AKR1B10: variants seen among roughly 807,000 people sequenced by gnomAD.
The protein encoded by AKR1B10 is ARP.
In AKR1B10, 39 loss-of-function variants were observed where a neutral mutation model predicts 38.9. The observed-to-expected ratio is 1.00, with a 90% CI of 0.78 to 1.31. The LOEUF is 1.31. Among genes scored for constraint, AKR1B10 ranks in the 50% most tolerant of loss-of-function variants. AKR1B10 has a pLI of 0.00. For synonymous variants in AKR1B10, 148 were observed against 141.2 expected, an observed-to-expected ratio of 1.05 and a Z score of -0.34; for missense variants, 361 against 382.6, an observed-to-expected ratio of 0.94 and a Z score of 0.47.
intron 1 of AKR1B10, 88 bp from the exon 2 acceptor site, chr7:134,530,555 G>C: frequency 6.9e-7 from 1 of 1,457,180 alleles, no homozygotes; most frequent in Non-Finnish European, 9.5e-7. Context: ...GCTTGAACCT[G>C]GGAGTGTGAG....
At chr7:134,538,699 T>C (rs1411054750) in intron 8 of AKR1B10, among the ~76,000 whole-genome samples, 1 of 152,190 alleles carries the variant, frequency 6.6e-6, no homozygotes, top group Non-Finnish European at 1.5e-5. Flanking sequence ...GCCTGGGGTT[T>C]AGTGCCTGTG....
chr7:134,530,240 G>C (rs1722888), intron 1 of AKR1B10, among the ~76,000 whole-genome samples: 75,216 of 152,048 alleles, frequency 0.49, 20,018 homozygotes, highest in African/African-American at 0.71. Flanking sequence ...GTAGTGGAGC[G>C]GTCTGCACCC....
In AKR1B10 at chr7:134,541,072, T is replaced by A. The variant is rs140467402; in HGVS notation, c.934T>A (p.Phe312Ile). 4.4e-6 allele frequency: 7 copies of A among 1,582,636 alleles called. No homozygotes were observed. The highest frequency in any genetic ancestry group is 5.2e-6 in the Non-Finnish European group (6 of 1,152,542). Reference sequence around the variant, plus strand: ...ATCCTCTCATTTGGAAGACTATCCCTTCAATGCAGAATATTGAGGTTGAAT... The same window carrying A: ...ATCCTCTCATTTGGAAGACTATCCCATCAATGCAGAATATTGAGGTTGAAT... Reference protein sequence around the residue: ...LQSSHLEDYPFNAEY With the variant: ...LQSSHLEDYPINAEY The change falls in exon 10 of 10, where the codon TTC (phenylalanine) becomes ATC (isoleucine). Residue 312 changes from phenylalanine (F) to isoleucine (I), a missense_variant. Phe to Ile is a conservative substitution (Grantham distance 21, BLOSUM62 0). This residue lies in a region of AKR1B10 where 132 missense variants were observed against 134.6 expected (regional missense o/e 0.98). Transcript: ENST00000359579.
chr7:134,530,658 G>A lies in AKR1B10; in HGVS notation c.82G>A (p.Val28Met), dbSNP rs1297931009. 5 of 1,613,936 alleles carry A rather than the reference G, an allele frequency of 3.1e-6. No homozygotes were observed. The highest frequency in any genetic ancestry group is 1.7e-5 in the Admixed American group (1 of 59,996). ...TGCCTTTCAGTCTCCTCTTGGCAAA[G>A]TGAAAGAAGCAGTGAAGGTGGCCAT... ...LGTWKSPLGKVKEAVKVAIDA... is the reference protein window; with the variant it reads ...LGTWKSPLGKMKEAVKVAIDA... Residue 28 changes from valine (V) to methionine (M), a missense_variant, in exon 2 of 10, where the codon GTG becomes ATG. Physicochemically the swap from Val to Met is conservative, Grantham distance 21. Transcript: ENST00000359579.
chr7:134,532,001 A>T lies in AKR1B10; in HGVS notation c.328A>T (p.Ile110Phe), dbSNP rs755888697. 2 of 1,614,108 alleles carry T rather than the reference A, an allele frequency of 1.2e-6. No individual in the cohort carries two copies. Among genetic ancestry groups the T allele is most frequent in the Admixed American group, 3.3e-5 (2 of 60,018 alleles). ...GCTGAGCTATCTGGACGTCTATCTT[A>T]TTCACTGGCCACAGGGATTCAAGGT... The part of the protein sequence containing the change: ...LKLSYLDVYL[I>F]HWPQGFKSGD... Residue 110 changes from isoleucine to phenylalanine, a missense_variant, in exon 3 of 10, where the codon ATT (isoleucine) becomes TTT (phenylalanine). Ile to Phe is a conservative substitution (Grantham distance 21). Transcript: ENST00000359579.
chr7:134,537,413 T>C (rs1394483498), intron 6 of AKR1B10, among the ~76,000 whole-genome samples, 167 bp from the exon 7 acceptor site: 6 of 152,124 alleles, frequency 3.9e-5, no homozygotes. Context: ...CTTTGCAAAA[T>C]GCTGAGGCTT....
chr7:134,539,836 AAG>A (rs1422638587), intron 9 of AKR1B10, among the ~76,000 whole-genome samples: 9 of 152,214 alleles, frequency 5.9e-5, no homozygotes, highest in Non-Finnish European at 1.3e-4. Context: ...ATGTATCAAA[AAG>A]AGTTGTCTGG....
chr7:134,531,002 C>T (rs1807841122), intron 2 of AKR1B10, among the ~76,000 whole-genome samples, 192 bp downstream of exon 2: 1 of 152,202 alleles, frequency 6.6e-6, no homozygotes, highest in Admixed American at 6.5e-5. Flanking sequence ...GTGGCTGCCC[C>T]ACCTGCCTGT....
Position 134,536,726 on chromosome 7 carries a change from A to G in AKR1B10, c.506A>G (p.Lys169Arg), listed in dbSNP as rs397842944. 67 of 1,613,794 alleles carry G rather than the reference A, an allele frequency of 4.2e-5. 1 individual carries two copies. Among genetic ancestry groups the G allele is most frequent in the East Asian group, 2.7e-4 (12 of 44,884 alleles). ...AATTTCAGCCACTTCCAGATCGAGA[A>G]GCTCTTGAACAAACCTGGACTGAAA... ...VSNFSHFQIEKLLNKPGLKYK... is the reference protein window; with the variant it reads ...VSNFSHFQIERLLNKPGLKYK... The change falls in exon 5 of 10, where the codon AAG (lysine) becomes AGG (arginine). Residue 169 changes from lysine to arginine, a missense_variant. By Grantham distance (26) the Lys-to-Arg change is conservative. This residue lies in a region of AKR1B10 where 220 missense variants were observed against 216.1 expected (regional missense o/e 1.02). Coordinates refer to ENST00000359579, the MANE Select transcript of AKR1B10 (RefSeq NM_020299.5).
chr7:134,533,149 A>C (rs1807909487), intron 4 of AKR1B10, 68 bp downstream of exon 4: 1 of 1,298,894 alleles, frequency 7.7e-7, no homozygotes, highest in Admixed American at 2.4e-5. Flanking sequence ...ATTCGCATGG[A>C]TATGAATGAG....
intron 8 of AKR1B10, 96 bp from the exon 9 acceptor site, chr7:134,538,839 T>G: frequency 7.1e-7 from 1 of 1,417,890 alleles, no homozygotes; most frequent in Non-Finnish European, 9.9e-7. Flanking sequence ...GTTTGTGCTG[T>G]GAATGTGAGC....
chr7:134,539,372 C>G, intron 9 of AKR1B10, among the ~76,000 whole-genome samples: 1 of 152,084 alleles, frequency 6.6e-6, no homozygotes, highest in South Asian at 2.1e-4. Context: ...AAGTTGCTGC[C>G]TCCATAGGCT....
rs565200726 is a variant in AKR1B10 at position 134,527,777 on chromosome 7, CAG to C, written c.-132_-131del. The C allele has an allele frequency of 3.2e-4, 426 of 1,313,282 alleles. 1 individual carries two copies. In the African/African-American group the frequency reaches 5.7e-3, roughly 18 times the overall value. 81.4% of individuals were successfully genotyped at this position (1,313,282 alleles called of 1,614,324 possible). A position where few individuals can be genotyped will look rare whatever the true frequency, so the allele number is the denominator to read the frequency against. On this transcript the variant is annotated 5_prime_UTR_variant, in exon 1 of 10. Coordinates refer to ENST00000359579, the MANE Select transcript of AKR1B10 (RefSeq NM_020299.5). ...AGGAGAATTGCTTGAACCCAGGAGA[CAG>C]AGGTTGTAGTGAGCTGAGATCGCAC...
intron 4 of AKR1B10, among the ~76,000 whole-genome samples, chr7:134,533,863 C>T (rs1366393084): frequency 1.3e-5 from 2 of 152,004 alleles, no homozygotes; most frequent in African/African-American, 4.8e-5. Context: ...TTATTTATAC[C>T]CTTTTGCAAA....
intron 2 of AKR1B10, among the ~76,000 whole-genome samples, chr7:134,531,325 G>A (rs1388624168): frequency 3.9e-5 from 6 of 152,104 alleles, no homozygotes; most frequent in Non-Finnish European, 7.4e-5. Flanking sequence ...GGTGTGAGAG[G>A]GCTGAGAATC....
intron 4 of AKR1B10, chr7:134,535,733 T>A: frequency 4.1e-6 from 4 of 966,820 alleles, no homozygotes; most frequent in Non-Finnish European, 4.9e-6. Context: ...TGAGGCAGCC[T>A]CAGTGTCATG....
rs929476515 is a variant in AKR1B10 at position 134,527,691 on chromosome 7, T to G, written c.-221T>G. On this transcript the variant is annotated 5_prime_UTR_variant, in exon 1 of 10. Transcript: ENST00000359579. ...GACCAGCCTGTCTCTACTAACAATA[T>G]AAAAATTAGCTGGGAGTCACGGTGG... The G allele has an allele frequency of 2.5e-6, 1 of 394,098 alleles. No individual in the cohort carries two copies. The allele number at this position is 394,098 out of a possible 1,614,324, so 24.4% of individuals were successfully genotyped here.
chr7:134,528,920 C>A (rs1348835088), intron 1 of AKR1B10, among the ~76,000 whole-genome samples: 5 of 152,172 alleles, frequency 3.3e-5, no homozygotes, highest in Non-Finnish European at 5.9e-5. Flanking sequence ...GAGCACCACC[C>A]GGCTGTGTTA....
intron 4 of AKR1B10, chr7:134,535,510 C>T (rs767648762): frequency 9.1e-5 from 60 of 659,552 alleles, no homozygotes; most frequent in East Asian, 1.4e-4. Context: ...CTGAACATGT[C>T]GTGCTTATCC....
Sources: gnomAD v4.1 joint callset for allele counts (sites outside exome capture counted in the v4.1 genomes callset) on GRCh38, gnomAD v4.1.1 for gene constraint, gnomAD v4.1.1 regional missense constraint, MANE v1.5 for transcripts, NCBI Gene and HGNC (gene_info 2026-07-23, HGNC 2026-07-21) for gene names.